The following TCN2 variants were observed in gnomAD, a reference collection of about 807,000 sequenced individuals.
The protein encoded by TCN2 is transcobalamin 2.
Under a neutral mutation model 48.6 loss-of-function variants are expected in TCN2, and 34 were observed. That is an observed-to-expected ratio of 0.70 (90% confidence interval 0.53 to 0.93). The LOEUF is 0.93. TCN2 is among the 40% of genes least tolerant of loss of function. TCN2 has a pLI of 0.00. For missense variants in TCN2, 652 were observed against 526.1 expected (o/e 1.24, Z -2.34); for synonymous variants, 283 against 212.5 (o/e 1.33, Z -2.89).
chr22:30,623,861 C>T (rs370036676), intron 8 of TCN2, among the ~76,000 whole-genome samples: 2 of 74,846 alleles, frequency 2.7e-5, no homozygotes, highest in African/African-American at 1.3e-4. Flanking sequence ...CACATACATA[C>T]ACACATATAT....
At chr22:30,612,177 C>T (rs2087550925) in intron 2 of TCN2, among the ~76,000 whole-genome samples, 1 of 152,000 alleles carries the variant, frequency 6.6e-6, no homozygotes. Context: ...GCTGAGAAAT[C>T]GAGGCTACAG....
At chr22:30,618,387 T>C (rs189594995) in intron 7 of TCN2, among the ~76,000 whole-genome samples, 3 of 152,220 alleles carry the variant, frequency 2.0e-5, no homozygotes, top group Middle Eastern at 6.8e-3. Flanking sequence ...AGCCTCTCTC[T>C]TTCACCTAGG....
At position 30,614,495 on chromosome 22, in the gene TCN2, TC is replaced by T; in HGVS notation, c.575del (p.Ser192LeufsTer15). On this transcript the variant is annotated frameshift_variant, in exon 4 of 9. Coordinates refer to ENST00000215838, the MANE Select transcript of TCN2 (RefSeq NM_000355.4). LOFTEE classifies it high-confidence loss of function. ...AVEPFHQGHH[S>X]VDTAAMAGLA... ...GGAACCTTTCCACCAGGGCCACCAT[TC>T]TGTGGGTGAGTAGGTCAGACCGTGC... 1.9e-6 allele frequency: 3 copies of T among 1,614,132 alleles called. No homozygotes were observed. The highest frequency in any genetic ancestry group is 2.5e-6 in the Non-Finnish European group (3 of 1,180,024).
Position 30,607,209 on chromosome 22 carries a change from A to G in TCN2, c.-123A>G. On this transcript the variant is annotated 5_prime_UTR_variant, in exon 1 of 9. It removes the in-frame stop codon of an upstream open reading frame in the 5' UTR. Coordinates refer to ENST00000215838, the MANE Select transcript of TCN2 (RefSeq NM_000355.4). The stretch of plus-strand genomic sequence containing the variant: ...CCGTGCATTGCAGGCATGGAGGATT[A>G]ATCAGTGACAGGAAGCTGCGTCTCT... 9.4e-7 allele frequency: 1 copy of G among 1,061,354 alleles called. No homozygotes were observed. Among genetic ancestry groups the G allele is most frequent in the Non-Finnish European group, 1.5e-6 (1 of 683,124 alleles). The allele number at this position is 1,061,354 out of a possible 1,614,324, so 65.7% of individuals were successfully genotyped here.
intron 1 of TCN2, among the ~76,000 whole-genome samples, chr22:30,609,137 G>A (rs920333167): frequency 1.3e-5 from 2 of 151,496 alleles, no homozygotes; most frequent in African/African-American, 4.9e-5. Context: ...GGGCTCCTGT[G>A]CTTCCTTTTC....
chr22:30,617,082 G>T (rs1047081627), intron 6 of TCN2, among the ~76,000 whole-genome samples: 2 of 152,154 alleles, frequency 1.3e-5, no homozygotes, highest in Admixed American at 1.3e-4. Flanking sequence ...ACCAGTGAGG[G>T]GCCTGATCTT....
chr22:30,609,149 C>T (rs937020141), intron 1 of TCN2, among the ~76,000 whole-genome samples: 1 of 151,540 alleles, frequency 6.6e-6, no homozygotes, highest in Non-Finnish European at 1.5e-5. Context: ...TTCCTTTTCT[C>T]TTTCTTCTTC....
In TCN2 at chr22:30,615,588, A is replaced by C. The variant is rs754588956; in HGVS notation, c.754-13A>C. On this transcript the variant is annotated splice_polypyrimidine_tract_variant and intron_variant, in intron 5 of 8. Coordinates refer to ENST00000215838, the MANE Select transcript of TCN2 (RefSeq NM_000355.4). ...GGCTGACTTCCTCTCTCTCTTCCTC[A>C]CTCTATCACCAGTTCCTCATGACTT... 5 of 1,613,428 alleles carry C rather than the reference A, an allele frequency of 3.1e-6. No homozygotes were observed. The highest frequency in any genetic ancestry group is 1.3e-5 in the African/African-American group (1 of 74,706).
chr22:30,614,716 C>A (rs1351014942), intron 4 of TCN2, among the ~76,000 whole-genome samples: 1 of 152,156 alleles, frequency 6.6e-6, no homozygotes, highest in African/African-American at 2.4e-5. Flanking sequence ...GCCAGGAGTT[C>A]AAGACAACGT....
rs1569046177 is a variant in TCN2 at position 30,623,709 on chromosome 22, TATACA to T, written c.1222+627_1222+631del. On this transcript the variant is annotated intron_variant, in intron 8 of 8. Coordinates refer to ENST00000215838, the MANE Select transcript of TCN2 (RefSeq NM_000355.4). ...TATACATATATATGAAATATATATA[TATACA>T]GACACACATATATATGTATACATAT... is the stretch of plus-strand genomic sequence containing the variant. Among the ~76,000 whole-genome samples the T allele has an allele frequency of 5.9e-4, 79 of 134,332 alleles. 3 individuals carry two copies. The highest frequency in any genetic ancestry group is 9.4e-4 in the Admixed American group (12 of 12,824). The allele number at this position is 134,332 out of a possible 152,430, so 88.1% of individuals were successfully genotyped here. A position where few individuals can be genotyped will look rare whatever the true frequency, so the allele number is the denominator to read the frequency against.
At chr22:30,610,241 C>G in intron 1 of TCN2, 1 of 471,140 alleles carries the variant, frequency 2.1e-6, no homozygotes, top group Non-Finnish European at 4.4e-6. Context: ...ACAGAGATGG[C>G]AGGAAAGGCG....
chr22:30,614,083 G>A (rs750425195), intron 3 of TCN2, among the ~76,000 whole-genome samples: 4 of 152,236 alleles, frequency 2.6e-5, no homozygotes, highest in South Asian at 2.1e-4. Context: ...CTGCATTCTC[G>A]TTGCAATTGC....
intron 6 of TCN2, 46 bp downstream of exon 6, chr22:30,615,833 G>T (rs370217815): frequency 2.5e-6 from 4 of 1,609,324 alleles, no homozygotes; most frequent in South Asian, 1.1e-5. Context: ...AATCTGCTGC[G>T]CACCCATTGA....
chr22:30,624,531 AAAG>A (rs1445338805), intron 8 of TCN2, among the ~76,000 whole-genome samples: 1 of 131,240 alleles, frequency 7.6e-6, no homozygotes, highest in Non-Finnish European at 1.8e-5. Context: ...AGCCCACAAA[AAAG>A]CATTCTTTTC....
At chr22:30,616,530 G>A (rs1450249832) in intron 6 of TCN2, among the ~76,000 whole-genome samples, 1 of 151,356 alleles carries the variant, frequency 6.6e-6, no homozygotes, top group Non-Finnish European at 1.5e-5. Context: ...GCTGGACATG[G>A]TGGCTCGTGC....
chr22:30,614,045 C>T (rs1344592430), intron 3 of TCN2, among the ~76,000 whole-genome samples: 2 of 152,244 alleles, frequency 1.3e-5, no homozygotes, highest in Admixed American at 1.3e-4. Flanking sequence ...GCCTTGACTT[C>T]CCAGCCACCC....
At chr22:30,624,704 C>T (rs1006185765) in intron 8 of TCN2, among the ~76,000 whole-genome samples, 5 of 152,146 alleles carry the variant, frequency 3.3e-5, no homozygotes, top group Non-Finnish European at 5.9e-5. Flanking sequence ...TCTCCTTCCC[C>T]CTCTGCCCTT....
chr22:30,625,918 C>T (rs533336766), intron 8 of TCN2, among the ~76,000 whole-genome samples: 1 of 152,244 alleles, frequency 6.6e-6, no homozygotes, highest in African/African-American at 2.4e-5. Flanking sequence ...CATAGCACCT[C>T]CATTGAAAGG....
intron 7 of TCN2, 144 bp from the exon 8 acceptor site, chr22:30,622,824 C>A: frequency 2.5e-6 from 2 of 800,662 alleles, no homozygotes; most frequent in Admixed American, 2.0e-5. Flanking sequence ...GATCACAGAC[C>A]TGTGGCCAGG....
Sources: allele counts gnomAD v4.1 joint callset (sites outside exome capture counted in the v4.1 genomes callset), GRCh38; gene constraint gnomAD v4.1.1; transcripts MANE v1.5; gene names NCBI Gene and HGNC (gene_info 2026-07-23, HGNC 2026-07-21).